Variants in ITK observed in about 807,000 individuals in gnomAD.
The protein encoded by ITK is tyrosine-protein kinase ITK/TSK.
A neutral mutation model predicts 87.6 loss-of-function variants in ITK; 45 were observed. The ratio of observed to expected loss-of-function variants is 0.51; its 90% CI spans 0.40 to 0.66. The LOEUF is 0.66. Ranked by LOEUF, ITK falls within the 30% of genes least tolerant of loss-of-function variation. The pLI, the probability that ITK is intolerant of heterozygous loss-of-function variation, is 0.00. For missense variants in ITK, 605 were observed against 766.3 expected (o/e 0.79, Z 2.48); for synonymous variants, 303 against 273.6 (o/e 1.11, Z -1.06).
At chr5:157,217,571 C>T (rs982639234) in intron 4 of ITK, among the ~76,000 whole-genome samples, 1 of 152,170 alleles carries the variant, frequency 6.6e-6, no homozygotes, top group African/African-American at 2.4e-5. Flanking sequence ...AGTCTAACCC[C>T]ACTGGCAGGC....
chr5:157,214,039 T>C, intron 3 of ITK, 152 bp from the exon 4 acceptor site: 1 of 752,242 alleles, frequency 1.3e-6, no homozygotes, highest in Non-Finnish European at 2.4e-6. Context: ...ACAGTGCATT[T>C]ATGCGCTCAG....
chr5:157,218,552 A>G (rs1459785546), intron 5 of ITK, among the ~76,000 whole-genome samples: 2 of 151,348 alleles, frequency 1.3e-5, no homozygotes, highest in African/African-American at 2.4e-5. Context: ...TACTCTTCGC[A>G]AGCATTTTGG....
At chr5:157,221,872 C>T (rs891723350) in intron 5 of ITK, among the ~76,000 whole-genome samples, 7 of 152,096 alleles carry the variant, frequency 4.6e-5, no homozygotes, top group African/African-American at 4.8e-5. Context: ...AATCTGCAGC[C>T]GGGCACAGTG....
intron 1 of ITK, among the ~76,000 whole-genome samples, chr5:157,186,402 C>T (rs927920239): frequency 1.0e-4 from 15 of 149,856 alleles, no homozygotes; most frequent in Middle Eastern, 3.7e-3. Flanking sequence ...GAGGCGGGCA[C>T]GATGGCCCAT....
chr5:157,185,717 GC>G (rs927767156), intron 1 of ITK, among the ~76,000 whole-genome samples: 44 of 151,376 alleles, frequency 2.9e-4, no homozygotes, highest in African/African-American at 8.5e-4. Context: ...GGTGCTGCAT[GC>G]CTGTAGTCCC....
intron 8 of ITK, among the ~76,000 whole-genome samples, chr5:157,235,726 T>C (rs1754763094): frequency 6.6e-6 from 1 of 152,240 alleles, no homozygotes; most frequent in South Asian, 2.1e-4. Flanking sequence ...TCTTAAAGTA[T>C]AATGCAGCAT....
chr5:157,210,455 G>A (rs1459095957), intron 2 of ITK, among the ~76,000 whole-genome samples: 2 of 151,658 alleles, frequency 1.3e-5, no homozygotes, highest in East Asian at 1.9e-4. Flanking sequence ...CAATGATAAT[G>A]AGTGCCTAAA....
intron 1 of ITK, among the ~76,000 whole-genome samples, chr5:157,197,220 T>A (rs912576514): frequency 2.0e-5 from 3 of 152,192 alleles, no homozygotes; most frequent in Admixed American, 2.0e-4. Flanking sequence ...TGAGAGAGAC[T>A]GTCATGTACT....
chr5:157,214,057 C>G (rs938615425), intron 3 of ITK, 134 bp from the exon 4 acceptor site: 2 of 781,492 alleles, frequency 2.6e-6, no homozygotes, highest in African/African-American at 3.4e-5. Flanking sequence ...CAGATCAACC[C>G]ATGCTTCTGA....
chr5:157,214,041 T>C (rs1754247213), intron 3 of ITK, 150 bp from the exon 4 acceptor site: 2 of 753,734 alleles, frequency 2.7e-6, no homozygotes, highest in Non-Finnish European at 2.4e-6. Context: ...AGTGCATTTA[T>C]GCGCTCAGAT....
intron 1 of ITK, among the ~76,000 whole-genome samples, chr5:157,200,180 T>G (rs1193456886): frequency 6.6e-6 from 1 of 152,142 alleles, no homozygotes; most frequent in East Asian, 1.9e-4. Context: ...AGCTTACCCT[T>G]GTGAAGATTT....
At chr5:157,211,499 C>T in intron 3 of ITK, 131 bp downstream of exon 3, 1 of 784,858 alleles carries the variant, frequency 1.3e-6, no homozygotes, top group Non-Finnish European at 2.2e-6. Flanking sequence ...GGTGGAAGTT[C>T]CCAAGTTTTC....
At chr5:157,234,221 A>G (rs1754730753) in intron 8 of ITK, among the ~76,000 whole-genome samples, 1 of 151,728 alleles carries the variant, frequency 6.6e-6, no homozygotes, top group Non-Finnish European at 1.5e-5. Context: ...ACCTCAGGTG[A>G]TCCGCCTGCC....
chr5:157,197,100 A>G (rs531224702), intron 1 of ITK, among the ~76,000 whole-genome samples: 2 of 152,310 alleles, frequency 1.3e-5, no homozygotes, highest in South Asian at 4.1e-4. Flanking sequence ...GGGCTTGGAC[A>G]TTATTCCTGA....
intron 1 of ITK, among the ~76,000 whole-genome samples, chr5:157,203,154 T>A (rs1421874439): frequency 3.3e-5 from 5 of 152,232 alleles, no homozygotes; most frequent in African/African-American, 1.2e-4. Flanking sequence ...AACTGTTCTA[T>A]TCTCTTTCCA....
At chr5:157,185,457 G>A (rs10066955) in intron 1 of ITK, among the ~76,000 whole-genome samples, 2 of 151,600 alleles carry the variant, frequency 1.3e-5, no homozygotes, top group East Asian at 1.9e-4. Context: ...TGGCCAGCTG[G>A]TCTCGAACTC....
chr5:157,231,836 A>G (rs1328772207), intron 7 of ITK, among the ~76,000 whole-genome samples: 1 of 152,232 alleles, frequency 6.6e-6, no homozygotes, highest in East Asian at 1.9e-4. Flanking sequence ...AGTCTTAAAG[A>G]GGAAAATACT....
intron 1 of ITK, among the ~76,000 whole-genome samples, chr5:157,191,782 A>G (rs915485703): frequency 6.6e-6 from 1 of 152,164 alleles, no homozygotes; most frequent in Non-Finnish European, 1.5e-5. Context: ...TCTGTTAGCT[A>G]TGGTTCAACA....
rs1184347196 is a variant in ITK at position 157,253,391 on chromosome 5, G to A, written c.*713G>A. On this transcript the variant is annotated 3_prime_UTR_variant, in exon 17 of 17. Coordinates refer to ENST00000422843, the MANE Select transcript of ITK (RefSeq NM_005546.4). ...GAACAGTTCAGGTCCCATGCTTGGA[G>A]CATTGGGTATCTGATGTCTGCACCA... The A allele has an allele frequency of 1.3e-5, 3 of 227,192 alleles. No individual in the cohort carries two copies. Among genetic ancestry groups the A allele is most frequent in the East Asian group, 1.3e-4 (2 of 15,748 alleles). The allele number at this position is 227,192 out of a possible 1,614,324, so 14.1% of individuals were successfully genotyped here.
Sources: gnomAD v4.1 joint callset for allele counts (sites outside exome capture counted in the v4.1 genomes callset) on GRCh38, gnomAD v4.1.1 for gene constraint, MANE v1.5 for transcripts, NCBI Gene and HGNC (gene_info 2026-07-23, HGNC 2026-07-21) for gene names.